The following CCDC106 variants were observed in gnomAD, a reference collection of about 807,000 sequenced individuals.
The protein encoded by CCDC106 is coiled-coil domain containing 106.
In CCDC106, 17 loss-of-function variants were observed where a neutral mutation model predicts 24.7. The observed-to-expected ratio is 0.69, with a 90% CI of 0.47 to 1.03. CCDC106 has a LOEUF of 1.03. Ranked by LOEUF, CCDC106 falls within the 50% of genes least tolerant of loss-of-function variation. CCDC106 has a pLI of 0.00. For missense variants in CCDC106, 337 were observed against 388.9 expected, an observed-to-expected ratio of 0.87 and a Z score of 1.12; for synonymous variants, 211 against 161.3, an observed-to-expected ratio of 1.31 and a Z score of -2.34.
rs759847216 is a variant in CCDC106, at chr19:55,651,454, G to A, written c.485G>A (p.Arg162Gln). 1.1e-5 allele frequency: 17 copies of A among 1,599,184 alleles called. No individual in the cohort carries two copies. The highest frequency in any genetic ancestry group is 5.6e-5 in the South Asian group (5 of 88,920). Residue 162 changes from arginine (R) to glutamine (Q), a missense_variant, in exon 4 of 5, where the codon CGG becomes CAG. By Grantham distance (43) the Arg-to-Gln change is conservative (BLOSUM62 1). Transcript: ENST00000586790. Reference protein sequence around the residue: ...RRQKQKGGASRRRFGKPKARE... With the variant: ...RRQKQKGGASQRRFGKPKARE... Reference sequence around the variant, plus strand: ...CAGAAGCAGAAGGGAGGTGCTAGTCGGAGGCGCTTTGGGAAGCCCAAGGCC... The same window carrying A: ...CAGAAGCAGAAGGGAGGTGCTAGTCAGAGGCGCTTTGGGAAGCCCAAGGCC...
chr19:55,649,923 G>A (rs1461634047), intron 3 of CCDC106, among the ~76,000 whole-genome samples: 1 of 152,098 alleles, frequency 6.6e-6, no homozygotes, highest in East Asian at 1.9e-4. Context: ...GACTCCTAGG[G>A]GGACCTTCCT....
chr19:55,649,855 T>C (rs1983124790), intron 3 of CCDC106, among the ~76,000 whole-genome samples: 1 of 152,186 alleles, frequency 6.6e-6, no homozygotes, highest in Admixed American at 6.5e-5. Context: ...CCCTGCCATC[T>C]GCTTCCTTGG....
chr19:55,652,333 G>A lies in CCDC106; in HGVS notation c.527-97G>A. On this transcript the variant is annotated intron_variant, in intron 4 of 4. Transcript: ENST00000586790. This position sits in a 1 kb window ranked among gnomAD's most constrained non-coding sequence, Gnocchi z 5.9. ...GCACCGGCCCGTGCCTCTGCTCGCC[G>A]AGATCCTTTCTTCCCATGGCCGTTT... The A allele has an allele frequency of 3.6e-6, 4 of 1,113,670 alleles. No individual in the cohort carries two copies. The highest frequency in any genetic ancestry group is 1.5e-5 in the South Asian group (1 of 66,130). The allele number at this position is 1,113,670 out of a possible 1,614,324, so 69.0% of individuals were successfully genotyped here.
chr19:55,648,705 C>G lies in CCDC106; in HGVS notation c.-342C>G, dbSNP rs565325905. 1 of 428,096 alleles carries G rather than the reference C, an allele frequency of 2.3e-6. No individual in the cohort carries two copies. The highest frequency in any genetic ancestry group is 2.0e-5 in the African/African-American group (1 of 49,940). The allele number at this position is 428,096 out of a possible 1,614,324, so 26.5% of individuals were successfully genotyped here. A position where few individuals can be genotyped will look rare whatever the true frequency, so the allele number is the denominator to read the frequency against. On this transcript the variant is annotated 5_prime_UTR_variant, in exon 1 of 5. Transcript: ENST00000586790. ...CTAGGTGTCCCTGGTCAGGCGACCC[C>G]TTGGGGCACCCAGCAATTTAGGGCT...
intron 3 of CCDC106, among the ~76,000 whole-genome samples, chr19:55,650,018 A>G (rs2123649185): frequency 6.6e-6 from 1 of 152,170 alleles, no homozygotes; most frequent in Non-Finnish European, 1.5e-5. Flanking sequence ...TGTCTTCTCC[A>G]AGATCCAAGA....
Position 55,649,591 on chromosome 19 carries a change from G to A in CCDC106, c.313+7G>A. On this transcript the variant is annotated splice_region_variant and intron_variant, in intron 3 of 4. Coordinates refer to ENST00000586790, the MANE Select transcript of CCDC106 (RefSeq NM_001370470.1). ...TCTGCTCGGATGGAGGCAGGTGTGT[G>A]TGGGGTGCTCTGATCCACATGCCTC... is the stretch of plus-strand genomic sequence containing the variant. 1 of 1,612,440 alleles carries A rather than the reference G, an allele frequency of 6.2e-7. No individual in the cohort carries two copies.
In CCDC106 at chr19:55,652,727, C is replaced by T; in HGVS notation, c.824C>T (p.Thr275Ile). ...AAGAGCAAGCTGCTGCTGCCCATCA[C>T]CTACCGCTTCAAGCGGTGATCGCAC... is the stretch of plus-strand genomic sequence containing the variant. Reference protein sequence around the residue: ...LKKSKLLLPITYRFKR With the variant: ...LKKSKLLLPIIYRFKR The change falls in exon 5 of 5, where the codon ACC (threonine) becomes ATC (isoleucine). Residue 275 changes from threonine (T) to isoleucine (I), a missense_variant. Around this residue, in one of 2 missense-constraint regions of CCDC106, gnomAD observed 103 missense variants for 152.4 expected, o/e 0.68. Coordinates refer to ENST00000586790, the MANE Select transcript of CCDC106 (RefSeq NM_001370470.1). This position sits in a 1 kb window ranked among gnomAD's most constrained non-coding sequence, Gnocchi z 5.9. 1.9e-6 allele frequency: 3 copies of T among 1,612,120 alleles called. No individual in the cohort carries two copies. Among genetic ancestry groups the T allele is most frequent in the South Asian group, 1.1e-5 (1 of 91,064 alleles).
intron 4 of CCDC106, among the ~76,000 whole-genome samples, chr19:55,651,701 C>T (rs933972005): frequency 2.6e-5 from 4 of 151,960 alleles, no homozygotes; most frequent in African/African-American, 9.7e-5. Flanking sequence ...CCCCGTCGCC[C>T]AGGCTGGAGT....
In CCDC106 at chr19:55,653,069, C is replaced by T. The variant is rs1341632746; in HGVS notation, c.*323C>T. The T allele has an allele frequency of 1.6e-5, 5 of 309,738 alleles. No individual in the cohort carries two copies. Among genetic ancestry groups the T allele is most frequent in the Middle Eastern group, 1.8e-3 (2 of 1,114 alleles). 19.2% of individuals were successfully genotyped at this position (309,738 alleles called of 1,614,324 possible). A position where few individuals can be genotyped will look rare whatever the true frequency, so the allele number is the denominator to read the frequency against. The stretch of plus-strand genomic sequence containing the variant: ...CCTGGCCCCGCGGAGGAGCTGCCCA[C>T]CTGATTCCCGGACAGACCTCCCCAA... On this transcript the variant is annotated 3_prime_UTR_variant, in exon 5 of 5. Transcript: ENST00000586790.
chr19:55,651,224 C>A, intron 3 of CCDC106, 59 bp from the exon 4 acceptor site: 1 of 1,328,620 alleles, frequency 7.5e-7, no homozygotes, highest in Admixed American at 1.7e-5. Context: ...CTCTCAGTCC[C>A]GGGACCTGTG....
Position 55,649,458 on chromosome 19 carries a change from A to G in CCDC106, c.187A>G (p.Thr63Ala), listed in dbSNP as rs770397547. Residue 63 changes from threonine (T) to alanine (A), a missense_variant, in exon 3 of 5, where the codon ACC becomes GCC. This residue lies in a region of CCDC106 where 234 missense variants were observed against 236.5 expected (regional missense o/e 0.99). Transcript: ENST00000586790. Reference protein sequence around the residue: ...SALALMNSVKTQLHMALERNS... With the variant: ...SALALMNSVKAQLHMALERNS... Reference sequence around the variant, plus strand: ...CCTGGCTCTGATGAACAGCGTCAAGACCCAGCTGCACATGGCTCTGGAGAG... The same window carrying G: ...CCTGGCTCTGATGAACAGCGTCAAGGCCCAGCTGCACATGGCTCTGGAGAG... The G allele has an allele frequency of 6.2e-7, 1 of 1,613,968 alleles. No homozygotes were observed.
chr19:55,651,402 G>C lies in CCDC106; in HGVS notation c.433G>C (p.Glu145Gln), dbSNP rs781485981. Residue 145 changes from glutamate to glutamine, a missense_variant, in exon 4 of 5, where the codon GAA (glutamate) becomes CAA (glutamine). By Grantham distance (29) the Glu-to-Gln change is conservative (BLOSUM62 2). Coordinates refer to ENST00000586790, the MANE Select transcript of CCDC106 (RefSeq NM_001370470.1). ...AASSLSGASE[E>Q]GSASERRRQK... ...CTCCTCCCTCAGCGGAGCGTCCGAA[G>C]AAGGCAGCGCCAGTGAGAGGAGGCG... The C allele has an allele frequency of 1.2e-6, 2 of 1,611,404 alleles. No individual in the cohort carries two copies. The highest frequency in any genetic ancestry group is 1.7e-6 in the Non-Finnish European group (2 of 1,179,016).
At chr19:55,649,113 C>T (rs1444423963) in intron 1 of CCDC106, 36 bp downstream of exon 1, 1 of 1,613,562 alleles carries the variant, frequency 6.2e-7, no homozygotes, top group Non-Finnish European at 8.5e-7. Context: ...ACCCTGGGTC[C>T]CAGTGCGGTC....
rs143763452 is a variant in CCDC106 at position 55,651,378 on chromosome 19, T to G, written c.409T>G (p.Ser137Ala). Reference protein sequence around the residue: ...GEASDPESAASSLSGASEEGS... With the variant: ...GEASDPESAAASLSGASEEGS... ...GGCCTCGGACCCTGAGTCAGCAGCCTCCTCCCTCAGCGGAGCGTCCGAAGA... is the reference window on the plus strand; with the variant it reads ...GGCCTCGGACCCTGAGTCAGCAGCCGCCTCCCTCAGCGGAGCGTCCGAAGA... The change falls in exon 4 of 5, where the codon TCC becomes GCC. Residue 137 changes from serine to alanine, a missense_variant. Physicochemically the swap from Ser to Ala is moderately conservative, Grantham distance 99. Transcript: ENST00000586790. 2.4e-4 allele frequency: 385 copies of G among 1,612,122 alleles called. No individual in the cohort carries two copies. The Middle Eastern group carries it at 5.0e-3, about 21-fold the overall frequency.
In CCDC106 at chr19:55,650,730, G is replaced by A. The variant is rs528406277; in HGVS notation, c.314-553G>A. Among the ~76,000 whole-genome samples the A allele has an allele frequency of 4.6e-5, 7 of 152,272 alleles. No individual in the cohort carries two copies. In the South Asian group the frequency reaches 6.2e-4, roughly 14 times the overall value. On this transcript the variant is annotated intron_variant, in intron 3 of 4. Transcript: ENST00000586790. ...TCCTTTGCACAGACAGTTTGGCCCT[G>A]CGGCTTCGGCACTTTCCCAGTGGGG...
In CCDC106 at chr19:55,652,922, C is replaced by T. The variant is rs1983430759; in HGVS notation, c.*176C>T. ...GGACCGGCCGCGGCCCCTTCCCGAA[C>T]GCCGGCACCCCCTTCCGCTTGGGCT... is the stretch of plus-strand genomic sequence containing the variant. On this transcript the variant is annotated 3_prime_UTR_variant, in exon 5 of 5. Transcript: ENST00000586790. The surrounding 1 kb of genome is among the most constrained non-coding windows in gnomAD (Gnocchi z 5.9). The T allele has an allele frequency of 1.7e-6, 1 of 593,964 alleles. No individual in the cohort carries two copies. Among genetic ancestry groups the T allele is most frequent in the Non-Finnish European group, 2.9e-6 (1 of 339,316 alleles). The allele number at this position is 593,964 out of a possible 1,614,324, so 36.8% of individuals were successfully genotyped here.
In CCDC106 at chr19:55,648,879, C is replaced by T. The variant is rs1479170072; in HGVS notation, c.-168C>T. ...TTTTGCCTCAGTCCTGGGGTCCAGG[C>T]TCCCTCCTCCCTCAGACCAGGGGTC... On this transcript the variant is annotated 5_prime_UTR_variant, in exon 1 of 5. Transcript: ENST00000586790. 3 of 723,404 alleles carry T rather than the reference C, an allele frequency of 4.1e-6. No individual in the cohort carries two copies. Among genetic ancestry groups the T allele is most frequent in the East Asian group, 2.5e-5 (1 of 40,746 alleles). 44.8% of individuals were successfully genotyped at this position (723,404 alleles called of 1,614,324 possible). A position where few individuals can be genotyped will look rare whatever the true frequency, so the allele number is the denominator to read the frequency against.
At position 55,648,331 on chromosome 19, in the gene CCDC106, G is replaced by C. The variant is rs1417791891; in HGVS notation, c.-716G>C. 6.6e-6 allele frequency: 1 copy of C among 152,116 alleles called. No homozygotes were observed. The highest frequency in any genetic ancestry group is 1.5e-5 in the Non-Finnish European group (1 of 67,986). The allele number at this position is 152,116 out of a possible 1,614,324, so 9.4% of individuals were successfully genotyped here. A position where few individuals can be genotyped will look rare whatever the true frequency, so the allele number is the denominator to read the frequency against. On this transcript the variant is annotated 5_prime_UTR_variant, in exon 1 of 5. Transcript: ENST00000586790. ...TCGGACCCCGGGCACCCGCGGGCGGGGGATGGTGGCCGCGTTTGCACCCCC... is the reference window on the plus strand; with the variant it reads ...TCGGACCCCGGGCACCCGCGGGCGGCGGATGGTGGCCGCGTTTGCACCCCC...
intron 3 of CCDC106, among the ~76,000 whole-genome samples, chr19:55,649,927 C>T (rs1222751807): frequency 6.6e-6 from 1 of 151,756 alleles, no homozygotes. Flanking sequence ...CCTAGGGGGA[C>T]CTTCCTTCAT....
Sources: gnomAD v4.1 joint callset for allele counts (sites outside exome capture counted in the v4.1 genomes callset) on GRCh38, gnomAD v4.1.1 for gene constraint, gnomAD v4.1.1 regional missense constraint, Gnocchi (gnomAD v3.1) non-coding constraint, MANE v1.5 for transcripts, NCBI Gene and HGNC (gene_info 2026-07-23, HGNC 2026-07-21) for gene names.